The following RHPN1 variants were observed in gnomAD, a reference collection of about 807,000 sequenced individuals.
The protein encoded by RHPN1 is rhophilin-1.
Under a neutral mutation model 74.7 loss-of-function variants are expected in RHPN1, and 77 were observed. The observed-to-expected ratio is 1.03, with a 90% CI of 0.86 to 1.25. RHPN1 has a LOEUF of 1.25. Among genes scored for constraint, RHPN1 ranks in the 50% most tolerant of loss-of-function variants. RHPN1 has a pLI of 0.00. For synonymous variants in RHPN1, 444 were observed against 414.5 expected (o/e 1.07, Z -0.87); for missense variants, 987 against 932.2 (o/e 1.06, Z -0.77).
upstream of RHPN1, chr8:143,368,781 G>T (rs1198352066): frequency 2.7e-5 from 9 of 332,468 alleles, no homozygotes; most frequent in Non-Finnish European, 4.9e-5. Flanking sequence ...CCGCCTATTG[G>T]GCAATGGCCA....
chr8:143,381,136 T>C (rs1818694442), intron 11 of RHPN1, 132 bp from the exon 12 acceptor site: 1 of 755,748 alleles, frequency 1.3e-6, no homozygotes, highest in Non-Finnish European at 2.2e-6. Context: ...CCTCCCACCA[T>C]TGCAGAGTGG....
chr8:143,378,362 G>GC lies in RHPN1; in HGVS notation c.459+19dup. 7.2e-7 allele frequency: 1 copy of GC among 1,386,116 alleles called. No individual in the cohort carries two copies. The highest frequency in any genetic ancestry group is 2.6e-5 in the Admixed American group (1 of 39,088). 85.9% of individuals were successfully genotyped at this position (1,386,116 alleles called of 1,614,324 possible). ...CCTGCGGCAGGTGTGTGGTTCCCCC[G>GC]CCCACCCACCCTCCTGCAGCCCTGG... On this transcript the variant is annotated intron_variant, in intron 5 of 14. Coordinates refer to ENST00000289013, the MANE Select transcript of RHPN1 (RefSeq NM_052924.3).
At position 143,380,583 on chromosome 8, in the gene RHPN1, G is replaced by C. The variant is rs778683066; in HGVS notation, c.1217-6G>C. ...GGTGTGTGACATCCCAGTGCCCCGC[G>C]TGCAGGCAAGGCACACCTGAAGCGT... On this transcript the variant is annotated splice_region_variant and splice_polypyrimidine_tract_variant and intron_variant, in intron 10 of 14. Coordinates refer to ENST00000289013, the MANE Select transcript of RHPN1 (RefSeq NM_052924.3). The C allele has an allele frequency of 6.7e-7, 1 of 1,492,332 alleles. No individual in the cohort carries two copies. The highest frequency in any genetic ancestry group is 1.4e-5 in the African/African-American group (1 of 71,718). The allele number at this position is 1,492,332 out of a possible 1,614,324, so 92.4% of individuals were successfully genotyped here.
In RHPN1 at chr8:143,379,849, A is replaced by G. The variant is rs1279988508; in HGVS notation, c.966A>G (p.Leu322=). The change falls in exon 9 of 15, where the codon CTA becomes CTG. Residue 322 remains leucine (L), a synonymous_variant. Transcript: ENST00000289013. ...EAAQVAAEYR[L]VHRTMAQPPV... ...GGCAGGTGGCAGCCGAGTACAGGCTAGTGCACCGGACCATGGCCCAGCCAC... is the reference window on the plus strand; with the variant it reads ...GGCAGGTGGCAGCCGAGTACAGGCTGGTGCACCGGACCATGGCCCAGCCAC... 6.2e-7 allele frequency: 1 copy of G among 1,610,482 alleles called. No homozygotes were observed.
At chr8:143,370,288 A>G (rs1167417115) in intron 1 of RHPN1, among the ~76,000 whole-genome samples, 1 of 152,188 alleles carries the variant, frequency 6.6e-6, no homozygotes, top group Non-Finnish European at 1.5e-5. Flanking sequence ...TGTCTCTCAC[A>G]GCGTCCAGAA....
upstream of RHPN1, chr8:143,368,872 G>A: frequency 1.6e-6 from 1 of 644,410 alleles, no homozygotes. Context: ...GGACCGGCGC[G>A]GGCACTCAGG....
chr8:143,381,350 C>T lies in RHPN1; in HGVS notation c.1488+6C>T. On this transcript the variant is annotated splice_donor_region_variant and intron_variant, in intron 12 of 14. Transcript: ENST00000289013. ...CTGACATCTTCCATCGGCTGGTGAG[C>T]ACACCCGTCCCCAGGCACCGCCCAG... 1 of 1,604,224 alleles carries T rather than the reference C, an allele frequency of 6.2e-7. No homozygotes were observed. Among genetic ancestry groups the T allele is most frequent in the East Asian group, 2.2e-5 (1 of 44,480 alleles).
At chr8:143,375,722 G>A (rs1466308199) in intron 2 of RHPN1, 54 bp downstream of exon 2, 2 of 1,380,370 alleles carry the variant, frequency 1.4e-6, no homozygotes, top group Non-Finnish European at 2.0e-6. Context: ...GGGTGAGGGG[G>A]GCAGGACAGC....
At chr8:143,377,793 C>T (rs1818383701) in intron 4 of RHPN1, among the ~76,000 whole-genome samples, 1 of 152,196 alleles carries the variant, frequency 6.6e-6, no homozygotes, top group Non-Finnish European at 1.5e-5. Context: ...CCATGGAGGG[C>T]ACCACTGGCT....
chr8:143,381,686 A>G lies in RHPN1; in HGVS notation c.1603A>G (p.Ile535Val). The change falls in exon 13 of 15, where the codon ATC (isoleucine) becomes GTC (valine). Residue 535 changes from isoleucine to valine, a missense_variant. Transcript: ENST00000289013. ...GCTTCGGGGAGACTCGCCTGTCCTC[A>G]TCGCTGCCGTCATTCCAGGGAGCCA... Reference protein sequence around the residue: ...LTLRGDSPVLIAAVIPGSQAA... With the variant: ...LTLRGDSPVLVAAVIPGSQAA... 1.2e-6 allele frequency: 2 copies of G among 1,611,470 alleles called. No homozygotes were observed. The highest frequency in any genetic ancestry group is 2.2e-5 in the South Asian group (2 of 90,976).
At chr8:143,381,238 C>T in intron 11 of RHPN1, 30 bp from the exon 12 acceptor site, 1 of 1,592,826 alleles carries the variant, frequency 6.3e-7, no homozygotes, top group Non-Finnish European at 8.6e-7. Context: ...CACAGTCTCC[C>T]AGCTTAGCTC....
chr8:143,376,771 TGTGC>T (rs1818258508), intron 3 of RHPN1, 118 bp downstream of exon 3: 18 of 1,215,066 alleles, frequency 1.5e-5, no homozygotes, highest in Non-Finnish European at 1.9e-5. Flanking sequence ...TGTCTGTGTG[TGTGC>T]GTGTGTGCAT....
chr8:143,381,541 G>C (rs376400642), intron 12 of RHPN1, 31 bp from the exon 13 acceptor site: 1 of 1,590,858 alleles, frequency 6.3e-7, no homozygotes, highest in Non-Finnish European at 8.5e-7. Context: ...GTGTGGCCCA[G>C]CTGGGCCTCT....
Position 143,382,944 on chromosome 8 carries a change from C to T in RHPN1, c.*293C>T. The T allele has an allele frequency of 2.2e-6, 1 of 453,980 alleles. No individual in the cohort carries two copies. The highest frequency in any genetic ancestry group is 2.7e-5 in the South Asian group (1 of 37,252). 28.1% of individuals were successfully genotyped at this position (453,980 alleles called of 1,614,324 possible). Reference sequence around the variant, plus strand: ...TTACAGGGTGCTCCTCACAGCCATCCCATCTGTACCCCCGGGCTCTGTCCA... The same window carrying T: ...TTACAGGGTGCTCCTCACAGCCATCTCATCTGTACCCCCGGGCTCTGTCCA... On this transcript the variant is annotated 3_prime_UTR_variant, in exon 15 of 15. Transcript: ENST00000289013.
At chr8:143,368,839 C>G (rs1367940012), upstream of RHPN1, 1 of 421,938 alleles carries the variant, frequency 2.4e-6, no homozygotes, top group African/African-American at 2.1e-5. Context: ...CGCGGGCCGC[C>G]CCCACTCAGG....
Position 143,380,768 on chromosome 8 carries a change from G to T in RHPN1, c.1396G>T (p.Ala466Ser). 1 of 1,577,962 alleles carries T rather than the reference G, an allele frequency of 6.3e-7. No individual in the cohort carries two copies. The highest frequency in any genetic ancestry group is 8.6e-7 in the Non-Finnish European group (1 of 1,160,164). The change falls in exon 11 of 15, where the codon GCC becomes TCC. Residue 466 changes from alanine to serine, a missense_variant. Physicochemically the swap from Ala to Ser is moderately conservative, Grantham distance 99. Transcript: ENST00000289013. ...REDDFCEAAE[A>S]PDIQPKTHQK... Reference sequence around the variant, plus strand: ...GGATGACTTCTGTGAGGCTGCCGAGGCCCCGGACATCCAGCGTGAGCAGCC... The same window carrying T: ...GGATGACTTCTGTGAGGCTGCCGAGTCCCCGGACATCCAGCGTGAGCAGCC...
chr8:143,379,887 A>ACGTGCCTG lies in RHPN1; in HGVS notation c.1005_1012dup (p.Val338AlafsTer25). 1 of 1,610,184 alleles carries ACGTGCCTG rather than the reference A, an allele frequency of 6.2e-7. No homozygotes were observed. On this transcript the variant is annotated frameshift_variant, in exon 9 of 15. Transcript: ENST00000289013. LOFTEE classifies it high-confidence loss of function. ...ATGGCCCAGCCACCCGTCCACGACTACGTGCCTGTCTCCTGGACTGCCCTG... is the reference window on the plus strand; with the variant it reads ...ATGGCCCAGCCACCCGTCCACGACTACGTGCCTGCGTGCCTGTCTCCTGGACTGCCCTG...
chr8:143,368,746 A>G (rs868783251), upstream of RHPN1: 24 of 296,844 alleles, frequency 8.1e-5, no homozygotes, highest in African/African-American at 3.5e-4. Flanking sequence ...GTTGGCTGAT[A>G]TAGCTGTCCG....
rs762857277 is a variant in RHPN1 at position 143,376,851 on chromosome 8, C to CGT, written c.305+203_305+204dup. Among the ~76,000 whole-genome samples, 397 of 79,286 alleles carry CGT rather than the reference C, an allele frequency of 5.0e-3. 2 individuals are homozygous for CGT. The highest frequency in any genetic ancestry group is 0.02 in the African/African-American group (383 of 18,852). 52.0% of individuals were successfully genotyped at this position (79,286 alleles called of 152,430 possible). A position where few individuals can be genotyped will look rare whatever the true frequency, so the allele number is the denominator to read the frequency against. On this transcript the variant is annotated intron_variant, in intron 3 of 14. Coordinates refer to ENST00000289013, the MANE Select transcript of RHPN1 (RefSeq NM_052924.3). Reference sequence around the variant, plus strand: ...GTGTCTGTGCATCTCTGTGTGTGTGCGTGTGTCTCTGTGTGTATATGTGTG... The same window carrying CGT: ...GTGTCTGTGCATCTCTGTGTGTGTGCGTGTGTGTCTCTGTGTGTATATGTGTG...
Sources: allele counts gnomAD v4.1 joint callset (sites outside exome capture counted in the v4.1 genomes callset), GRCh38; gene constraint gnomAD v4.1.1; transcripts MANE v1.5; gene names NCBI Gene and HGNC (gene_info 2026-07-23, HGNC 2026-07-21).